Variants in LRBA observed in about 807,000 individuals in gnomAD.
LRBA encodes LPS responsive beige-like anchor protein.
A neutral mutation model predicts 330.0 loss-of-function variants in LRBA; 176 were observed. The observed-to-expected ratio is 0.53, with a 90% CI of 0.47 to 0.60. The LOEUF is 0.60. Among genes scored for constraint, LRBA ranks in the 20% least tolerant of loss-of-function variants. LRBA has a pLI of 0.00. For synonymous variants in LRBA, 1,230 were observed against 1,193.0 expected (o/e 1.03, Z -0.64); for missense variants, 3,259 against 3,444.8 (o/e 0.95, Z 1.35).
chr4:151,004,575 T>C (rs893441461), intron 2 of LRBA, among the ~76,000 whole-genome samples: 1 of 152,204 alleles, frequency 6.6e-6, no homozygotes, highest in Admixed American at 6.5e-5. Flanking sequence ...CGGAAGGTAA[T>C]AGAAACTGGG....
At chr4:150,356,682 A>T (rs1231784139) in intron 47 of LRBA, among the ~76,000 whole-genome samples, 1 of 152,010 alleles carries the variant, frequency 6.6e-6, no homozygotes, top group East Asian at 1.9e-4. Context: ...TCATTTAAAA[A>T]AAATGCATCA....
intron 37 of LRBA, among the ~76,000 whole-genome samples, chr4:150,675,376 T>C (rs922612474): frequency 6.6e-6 from 1 of 152,154 alleles, no homozygotes; most frequent in Non-Finnish European, 1.5e-5. Context: ...TAATACTACC[T>C]ATCTCATTGC....
intron 37 of LRBA, among the ~76,000 whole-genome samples, chr4:150,617,229 C>CA (rs754825165): frequency 6.6e-6 from 1 of 152,178 alleles, no homozygotes; most frequent in Non-Finnish European, 1.5e-5. Context: ...TGAACTATCT[C>CA]AAAAAACCTC....
chr4:150,612,849 G>A (rs1775406532), intron 37 of LRBA, among the ~76,000 whole-genome samples: 1 of 152,122 alleles, frequency 6.6e-6, no homozygotes, highest in African/African-American at 2.4e-5. Context: ...AAAACCCAGA[G>A]TGATAGAAAG....
chr4:150,606,508 G>A (rs1057108352), intron 37 of LRBA, among the ~76,000 whole-genome samples: 3 of 151,946 alleles, frequency 2.0e-5, no homozygotes, highest in African/African-American at 7.3e-5. Context: ...GGACAATGGG[G>A]ACAAGGAAAT....
At chr4:150,756,513 G>C (rs1325425995) in intron 35 of LRBA, among the ~76,000 whole-genome samples, 3 of 152,072 alleles carry the variant, frequency 2.0e-5, no homozygotes, top group African/African-American at 7.2e-5. Flanking sequence ...CATTGGCAAA[G>C]AATTGAGTTG....
At chr4:150,527,001 T>A (rs556688936) in intron 40 of LRBA, among the ~76,000 whole-genome samples, 19 of 151,028 alleles carry the variant, frequency 1.3e-4, no homozygotes, top group African/African-American at 4.4e-4. Context: ...TCTCTCTTCT[T>A]CTTTTCTTCT....
At chr4:150,678,955 A>G (rs1011818157) in intron 37 of LRBA, among the ~76,000 whole-genome samples, 18 of 152,200 alleles carry the variant, frequency 1.2e-4, no homozygotes, top group African/African-American at 4.3e-4. Context: ...GCATTTTAGT[A>G]TACTAATTTC....
Position 150,695,121 on chromosome 4 carries a change from A to G in LRBA, c.5755-11404T>C, listed in dbSNP as rs903388056. Among the ~76,000 whole-genome samples, 10 of 152,332 alleles carry G rather than the reference A, an allele frequency of 6.6e-5. No individual in the cohort carries two copies. In the East Asian group the frequency reaches 1.4e-3, roughly 21 times the overall value. ...GACAAAGTGAATCCTTCAACAATGC[A>G]AACACACATCATACATCTGTTTGGA... On this transcript the variant is annotated intron_variant, in intron 36 of 56. Coordinates refer to ENST00000651943, the MANE Select transcript of LRBA (RefSeq NM_001364905.1).
intron 22 of LRBA, among the ~76,000 whole-genome samples, chr4:150,853,405 A>G (rs916999724): frequency 6.6e-6 from 1 of 152,196 alleles, no homozygotes; most frequent in Non-Finnish European, 1.5e-5. Flanking sequence ...AGCTCTACAG[A>G]TATCTATTAA....
At position 150,914,231 on chromosome 4, in the gene LRBA, C is replaced by G. The variant is rs1732322060; in HGVS notation, c.1125G>C (p.Gln375His). 1 of 1,610,292 alleles carries G rather than the reference C, an allele frequency of 6.2e-7. No individual in the cohort carries two copies. Among genetic ancestry groups the G allele is most frequent in the African/African-American group, 1.3e-5 (1 of 74,814 alleles). ...GGCCCAACTGATAAATAGCAAATAT[C>G]TGAGCTGCATTTAGAGCTTCACTGA... ...YLFSEALNAAQIFAIYQLGLG... is the reference protein window; with the variant it reads ...YLFSEALNAAHIFAIYQLGLG... Residue 375 changes from glutamine (Q) to histidine (H), a missense_variant, in exon 9 of 57, where the codon CAG becomes CAC. Physicochemically the swap from Gln to His is conservative, Grantham distance 24. Coordinates refer to ENST00000651943, the MANE Select transcript of LRBA (RefSeq NM_001364905.1).
At chr4:150,329,890 C>A (rs1733765255) in intron 48 of LRBA, among the ~76,000 whole-genome samples, 1 of 152,302 alleles carries the variant, frequency 6.6e-6, no homozygotes, top group Admixed American at 6.5e-5. Flanking sequence ...AAGTTTATCA[C>A]ATTCATCACT....
chr4:150,936,480 G>A (rs1046309150), intron 2 of LRBA, among the ~76,000 whole-genome samples: 1 of 151,904 alleles, frequency 6.6e-6, no homozygotes, highest in Non-Finnish European at 1.5e-5. Context: ...AGGAGTGACA[G>A]AATCTTCAGA....
intron 43 of LRBA, among the ~76,000 whole-genome samples, chr4:150,468,181 T>C (rs1755666659): frequency 1.3e-5 from 2 of 152,022 alleles, no homozygotes; most frequent in Non-Finnish European, 2.9e-5. Flanking sequence ...ATTCTCACAG[T>C]TTTTCAAAAC....
At chr4:150,646,941 A>G (rs1321212252) in intron 37 of LRBA, among the ~76,000 whole-genome samples, 1 of 152,152 alleles carries the variant, frequency 6.6e-6, no homozygotes, top group African/African-American at 2.4e-5. Context: ...TCTGGTTCCA[A>G]GCATTTCAGA....
intron 40 of LRBA, among the ~76,000 whole-genome samples, chr4:150,499,406 G>A (rs1331324255): frequency 6.6e-6 from 1 of 152,124 alleles, no homozygotes; most frequent in African/African-American, 2.4e-5. Flanking sequence ...AATTTGGGAG[G>A]CTGAGGCAGG....
intron 47 of LRBA, among the ~76,000 whole-genome samples, chr4:150,409,896 T>C (rs1746716276): frequency 6.6e-6 from 1 of 152,044 alleles, no homozygotes; most frequent in African/African-American, 2.4e-5. Context: ...GGAATTTAAA[T>C]CCAACCACTG....
chr4:150,447,594 C>T (rs572950330), intron 44 of LRBA, among the ~76,000 whole-genome samples: 2 of 152,122 alleles, frequency 1.3e-5, no homozygotes, highest in Non-Finnish European at 2.9e-5. Flanking sequence ...GACTTCTCAG[C>T]CTCCCTAATC....
chr4:150,958,874 T>A (rs1449421437), intron 2 of LRBA, among the ~76,000 whole-genome samples: 1 of 149,312 alleles, frequency 6.7e-6, no homozygotes, highest in African/African-American at 2.6e-5. Context: ...ACCATCAGCA[T>A]CTTGGTCAAA....
Sources: gnomAD v4.1 joint callset for allele counts (sites outside exome capture counted in the v4.1 genomes callset) on GRCh38, gnomAD v4.1.1 for gene constraint, MANE v1.5 for transcripts, NCBI Gene and HGNC (gene_info 2026-07-23, HGNC 2026-07-21) for gene names.